The following GGA2 variants were observed in gnomAD, a reference collection of about 807,000 sequenced individuals.
GGA2 encodes the protein golgi associated, gamma adaptin ear containing, ARF binding protein 2.
A neutral mutation model predicts 79.5 loss-of-function variants in GGA2; 48 were observed. That is an observed-to-expected ratio of 0.60 (90% confidence interval 0.48 to 0.77). The LOEUF is 0.77. GGA2 is among the 30% of genes least tolerant of loss of function. The pLI is 0.00. For missense variants in GGA2, 770 were observed against 774.0 expected (o/e 0.99, Z 0.06); for synonymous variants, 317 against 302.0 (o/e 1.05, Z -0.51).
At chr16:23,491,615 G>A (rs893378058) in intron 5 of GGA2, 62 bp downstream of exon 5, 5 of 1,522,224 alleles carry the variant, frequency 3.3e-6, no homozygotes, top group Non-Finnish European at 4.5e-6. Context: ...TAAGGCAGAT[G>A]AAAAAGCAAG....
At position 23,466,652 on chromosome 16, in the gene GGA2, A is replaced by C. The variant is rs771220001; in HGVS notation, c.*938T>G. The stretch of plus-strand genomic sequence containing the variant: ...TTTAGTCACCACCTCAATCACTGCT[A>C]AGCTCTCTTCATGTCTATCTGTACC... On this transcript the variant is annotated 3_prime_UTR_variant, in exon 17 of 17. Transcript: ENST00000309859. 6.6e-6 allele frequency: 1 copy of C among 150,550 alleles called. No individual in the cohort carries two copies. Among genetic ancestry groups the C allele is most frequent in the Non-Finnish European group, 1.5e-5 (1 of 67,692 alleles). 9.3% of individuals were successfully genotyped at this position (150,550 alleles called of 1,614,324 possible).
intron 8 of GGA2, among the ~76,000 whole-genome samples, chr16:23,485,164 C>T (rs369283257): frequency 7.8e-4 from 119 of 152,114 alleles, no homozygotes; most frequent in South Asian, 3.3e-3. Context: ...CGCATTTGGA[C>T]GAAGCATCCA....
chr16:23,517,693 C>G (rs1032280982), intron 2 of GGA2, among the ~76,000 whole-genome samples: 10 of 152,134 alleles, frequency 6.6e-5, no homozygotes, highest in Non-Finnish European at 1.5e-4. Context: ...AATAGCCTTC[C>G]AACACCCATC....
chr16:23,464,971 A>G lies in GGA2; in HGVS notation c.*2619T>C, dbSNP rs551895256. 9.9e-5 allele frequency: 25 copies of G among 251,914 alleles called. No homozygotes were observed. Among genetic ancestry groups the G allele is most frequent in the Non-Finnish European group, 1.9e-4 (25 of 129,030 alleles). The allele number at this position is 251,914 out of a possible 1,614,324, so 15.6% of individuals were successfully genotyped here. On this transcript the variant is annotated 3_prime_UTR_variant, in exon 17 of 17. Transcript: ENST00000309859. Reference sequence around the variant, plus strand: ...CCATCACACTTAAGAGACAGAGGAAAAAGAGCAGTCACGGAGGTAGGTCAC... The same window carrying G: ...CCATCACACTTAAGAGACAGAGGAAGAAGAGCAGTCACGGAGGTAGGTCAC...
chr16:23,498,236 T>C (rs905493581), intron 1 of GGA2, among the ~76,000 whole-genome samples: 1 of 150,750 alleles, frequency 6.6e-6, no homozygotes, highest in Non-Finnish European at 1.5e-5. Flanking sequence ...GCTGAGATCG[T>C]GACACTGCAC....
chr16:23,499,493 G>A (rs1038518619), intron 1 of GGA2, among the ~76,000 whole-genome samples: 16 of 152,038 alleles, frequency 1.1e-4, no homozygotes, highest in East Asian at 5.8e-4. Flanking sequence ...GTTAAATTAC[G>A]TTCCAAACCC....
At chr16:23,507,662 T>G (rs1425739187) in intron 1 of GGA2, among the ~76,000 whole-genome samples, 1 of 151,616 alleles carries the variant, frequency 6.6e-6, no homozygotes, top group Non-Finnish European at 1.5e-5. Context: ...TAGCCGGTTG[T>G]GGTGGCGTGT....
intron 7 of GGA2, 139 bp downstream of exon 7, chr16:23,486,571 G>T (rs980964519): frequency 1.4e-6 from 1 of 719,356 alleles, no homozygotes; most frequent in African/African-American, 1.7e-5. Flanking sequence ...GACTATGGCT[G>T]TTCCCCAGAG....
intron 14 of GGA2, among the ~76,000 whole-genome samples, chr16:23,471,235 A>C (rs572465424): frequency 1.3e-5 from 2 of 152,222 alleles, no homozygotes; most frequent in Non-Finnish European, 2.9e-5. Flanking sequence ...CACACACACA[A>C]TATACCACCT....
intron 2 of GGA2, among the ~76,000 whole-genome samples, chr16:23,519,298 C>T (rs1280202518): frequency 6.6e-6 from 1 of 152,166 alleles, no homozygotes; most frequent in Non-Finnish European, 1.5e-5. Context: ...TGGCCTTGGC[C>T]TCCCAATGTG....
At chr16:23,491,119 G>A (rs186226352) in intron 5 of GGA2, among the ~76,000 whole-genome samples, 43 of 151,976 alleles carry the variant, frequency 2.8e-4, no homozygotes, top group African/African-American at 9.4e-4. Context: ...GTGTGTGTGT[G>A]TTGGGGTGTG....
intron 14 of GGA2, among the ~76,000 whole-genome samples, chr16:23,471,652 C>A (rs1381317105): frequency 1.3e-5 from 2 of 152,084 alleles, no homozygotes; most frequent in Admixed American, 1.3e-4. Context: ...GTAATCCCAG[C>A]TACTCAGGAG....
chr16:23,493,322 G>T, intron 4 of GGA2, 38 bp downstream of exon 4: 1 of 1,185,836 alleles, frequency 8.4e-7, no homozygotes, highest in Non-Finnish European at 1.3e-6. Flanking sequence ...GTGGGCGTAG[G>T]TGCGACACAG....
intron 1 of GGA2, among the ~76,000 whole-genome samples, chr16:23,508,828 T>C (rs966081095): frequency 1.3e-5 from 2 of 152,118 alleles, no homozygotes; most frequent in African/African-American, 4.8e-5. Flanking sequence ...AAACTCCACA[T>C]CTCAACCTTC....
At chr16:23,485,800 A>G (rs1268196809) in intron 8 of GGA2, among the ~76,000 whole-genome samples, 1 of 152,218 alleles carries the variant, frequency 6.6e-6, no homozygotes, top group Non-Finnish European at 1.5e-5. Context: ...GGGAGTTGTC[A>G]GCCAATCAGA....
At chr16:23,508,718 AT>A (rs1171108642) in intron 1 of GGA2, among the ~76,000 whole-genome samples, 9 of 152,228 alleles carry the variant, frequency 5.9e-5, no homozygotes, top group African/African-American at 2.2e-4. Flanking sequence ...CTCACTGCCA[AT>A]GAACCAGACT....
intron 1 of GGA2, chr16:23,501,472 T>C (rs903890875): frequency 2.4e-6 from 1 of 420,004 alleles, no homozygotes; most frequent in Admixed American, 2.7e-5. Context: ...ATGCAAGATA[T>C]TACTTCGACC....
chr16:23,477,775 GC>G (rs1213010920), intron 13 of GGA2, among the ~76,000 whole-genome samples: 2 of 151,942 alleles, frequency 1.3e-5, no homozygotes, highest in African/African-American at 4.8e-5. Flanking sequence ...AAAAACACAT[GC>G]CTTTTGCCTT....
chr16:23,469,870 C>T, intron 15 of GGA2, 126 bp downstream of exon 15: 1 of 664,476 alleles, frequency 1.5e-6, no homozygotes. Flanking sequence ...CCATTACATT[C>T]CCACTTTATC....
Sources: allele counts gnomAD v4.1 joint callset (sites outside exome capture counted in the v4.1 genomes callset), GRCh38; gene constraint gnomAD v4.1.1; transcripts MANE v1.5; gene names NCBI Gene and HGNC (gene_info 2026-07-23, HGNC 2026-07-21).